Variants in IGFL2 observed in about 807,000 individuals in gnomAD.
IGFL2 encodes insulin growth factor-like family member 2.
In IGFL2, 7 loss-of-function variants were observed where a neutral mutation model predicts 13.9. The ratio of observed to expected loss-of-function variants is 0.51; its 90% CI spans 0.29 to 0.95. IGFL2 has a LOEUF of 0.95. IGFL2 is among the 40% of genes least tolerant of loss of function. The pLI, the probability that IGFL2 is intolerant of heterozygous loss-of-function variation, is 0.08. For synonymous variants in IGFL2, 55 were observed against 55.8 expected, an observed-to-expected ratio of 0.99 and a Z score of 0.07; for missense variants, 138 against 147.8, an observed-to-expected ratio of 0.93 and a Z score of 0.34.
chr19:46,097,367 C>T, the IGFL2 span, among the ~76,000 whole-genome samples: 3 of 152,168 alleles, frequency 2.0e-5, no homozygotes, highest in Non-Finnish European at 4.4e-5. Flanking sequence ...GTGCTATCCT[C>T]TTTATCATTT....
upstream of IGFL2, among the ~76,000 whole-genome samples, chr19:46,140,068 G>A (rs1972790720): frequency 6.6e-6 from 1 of 151,998 alleles, no homozygotes; most frequent in South Asian, 2.1e-4. Context: ...TCCTGCCTCA[G>A]CCTCCTGAGT....
At chr19:46,116,587 G>A in the IGFL2 span, among the ~76,000 whole-genome samples, 15 of 152,274 alleles carry the variant, frequency 9.9e-5, no homozygotes, top group Middle Eastern at 6.8e-3. Context: ...CTGTTGCACA[G>A]GCTAGTCTCG....
the IGFL2 span, chr19:46,208,541 G>T: frequency 6.6e-6 from 1 of 152,200 alleles, no homozygotes; most frequent in Non-Finnish European, 1.5e-5. Flanking sequence ...TCAGGATGGT[G>T]CATTCTTATA....
chr19:46,185,001 A>G, the IGFL2 span, among the ~76,000 whole-genome samples: 3 of 152,194 alleles, frequency 2.0e-5, no homozygotes, highest in African/African-American at 7.2e-5. Context: ...ATGACTAGTG[A>G]TGATGAGCAT....
At chr19:46,174,659 C>T in the IGFL2 span, among the ~76,000 whole-genome samples, 1 of 152,122 alleles carries the variant, frequency 6.6e-6, no homozygotes, top group African/African-American at 2.4e-5. Flanking sequence ...CCCAGTGCTC[C>T]TCACACTTGA....
the IGFL2 span, among the ~76,000 whole-genome samples, chr19:46,089,696 A>G: frequency 2.8e-4 from 42 of 151,714 alleles, no homozygotes; most frequent in East Asian, 7.0e-3. Context: ...TCAGGTCTGT[A>G]AAGTTTCCGA....
At chr19:46,139,734 T>C (rs1039481664), upstream of IGFL2, among the ~76,000 whole-genome samples, 1 of 152,152 alleles carries the variant, frequency 6.6e-6, no homozygotes, top group African/African-American at 2.4e-5. Context: ...ATACACTTTT[T>C]GGGATAGCTT....
upstream of IGFL2, among the ~76,000 whole-genome samples, chr19:46,144,549 C>A (rs1358197767): frequency 6.6e-6 from 1 of 151,946 alleles, no homozygotes; most frequent in South Asian, 2.1e-4. Flanking sequence ...AAATTAAACC[C>A]CTTATTTTGC....
At chr19:46,176,178 T>A in the IGFL2 span, among the ~76,000 whole-genome samples, 1 of 141,574 alleles carries the variant, frequency 7.1e-6, no homozygotes, top group Non-Finnish European at 1.5e-5. Flanking sequence ...AAATCAAAAT[T>A]AATGCCAAAA....
chr19:46,204,610 C>T, the IGFL2 span, among the ~76,000 whole-genome samples: 1 of 152,130 alleles, frequency 6.6e-6, no homozygotes, highest in African/African-American at 2.4e-5. Flanking sequence ...AGTGACAACA[C>T]AGAGTGGGCA....
chr19:46,078,709 C>A, the IGFL2 span, among the ~76,000 whole-genome samples: 1 of 152,240 alleles, frequency 6.6e-6, no homozygotes, highest in Non-Finnish European at 1.5e-5. Context: ...CTGTGACGCA[C>A]TCTCTCTGGG....
the IGFL2 span, among the ~76,000 whole-genome samples, chr19:46,182,709 T>C: frequency 6.6e-6 from 1 of 152,132 alleles, no homozygotes; most frequent in Admixed American, 6.6e-5. Flanking sequence ...ATCGTCCCTT[T>C]TCATTGCCGA....
chr19:46,083,818 G>T, the IGFL2 span, among the ~76,000 whole-genome samples: 1 of 152,156 alleles, frequency 6.6e-6, no homozygotes, highest in Non-Finnish European at 1.5e-5. Flanking sequence ...GGTTGACTTG[G>T]CTTCTGGGGT....
At chr19:46,098,226 T>G in the IGFL2 span, among the ~76,000 whole-genome samples, 2 of 152,256 alleles carry the variant, frequency 1.3e-5, no homozygotes, top group Non-Finnish European at 2.9e-5. Flanking sequence ...TAGCTTTTCT[T>G]GCTGTATTGA....
At chr19:46,203,751 C>G in the IGFL2 span, 1 of 152,508 alleles carries the variant, frequency 6.6e-6, no homozygotes, top group Admixed American at 6.5e-5. Context: ...GAGTCTCACT[C>G]TGTTGCCCAG....
the IGFL2 span, among the ~76,000 whole-genome samples, chr19:46,134,563 A>C: frequency 6.6e-6 from 1 of 152,330 alleles, no homozygotes; most frequent in African/African-American, 2.4e-5. Context: ...AGACAGTGAC[A>C]GATCATCAGA....
the IGFL2 span, among the ~76,000 whole-genome samples, chr19:46,137,869 G>A: frequency 6.6e-6 from 1 of 152,308 alleles, no homozygotes; most frequent in Non-Finnish European, 1.5e-5. Context: ...ACCTCTGTGA[G>A]ATCTATTTGG....
At chr19:46,082,415 AG>A in the IGFL2 span, among the ~76,000 whole-genome samples, 1 of 152,184 alleles carries the variant, frequency 6.6e-6, no homozygotes, top group African/African-American at 2.4e-5. Context: ...CACAGGGTGG[AG>A]GTAAACTTGG....
At chr19:46,154,165 A>G (rs1194315726) in intron 1 of IGFL2, among the ~76,000 whole-genome samples, 2 of 150,730 alleles carry the variant, frequency 1.3e-5, no homozygotes, top group Non-Finnish European at 3.0e-5. Flanking sequence ...AAGGACAGGA[A>G]CTCATTCTTT....
Sources: allele counts gnomAD v4.1 joint callset (sites outside exome capture counted in the v4.1 genomes callset), GRCh38; gene constraint gnomAD v4.1.1; transcripts MANE v1.5; gene names NCBI Gene and HGNC (gene_info 2026-07-23, HGNC 2026-07-21).